TTC7B: variants seen among roughly 807,000 people sequenced by gnomAD.
TTC7B encodes tetratricopeptide repeat domain 7B, also known as tetratricopeptide repeat protein 7B.
Under a neutral mutation model 106.8 loss-of-function variants are expected in TTC7B, and 28 were observed. That is an observed-to-expected ratio of 0.26 (90% CI 0.19 to 0.36). The LOEUF is 0.36. TTC7B is among the 10% of genes least tolerant of loss of function. The pLI is 1.00. For synonymous variants in TTC7B, 405 were observed against 430.6 expected, an observed-to-expected ratio of 0.94 and a Z score of 0.74; for missense variants, 862 against 1,076.4, an observed-to-expected ratio of 0.80 and a Z score of 2.79.
At position 90,814,748 on chromosome 14, in the gene TTC7B, C is replaced by T. The variant is rs150836401; in HGVS notation, c.121+1427G>A. Among the ~76,000 whole-genome samples, 112 of 152,238 alleles carry T rather than the reference C, an allele frequency of 7.4e-4. No individual in the cohort carries two copies. In the East Asian group the frequency reaches 0.013, roughly 18 times the overall value. On this transcript the variant is annotated intron_variant, in intron 1 of 19. Coordinates refer to ENST00000328459, the MANE Select transcript of TTC7B (RefSeq NM_001010854.2). ...AGCGGAGAAGCAGGTGAGCCCGACA[C>T]GGAGGGCAAAGGCAAGCTGCCTCTG...
At chr14:90,798,911 C>A (rs2030065561) in intron 1 of TTC7B, among the ~76,000 whole-genome samples, 1 of 152,052 alleles carries the variant, frequency 6.6e-6, no homozygotes, top group Admixed American at 6.6e-5. Flanking sequence ...CATGTACATT[C>A]ATTACCTACA....
At chr14:90,782,410 C>G (rs981401681) in intron 2 of TTC7B, among the ~76,000 whole-genome samples, 2 of 152,114 alleles carry the variant, frequency 1.3e-5, no homozygotes, top group African/African-American at 4.8e-5. Flanking sequence ...ACCAGCCTGG[C>G]CAACATGGTG....
chr14:90,795,223 C>A (rs76271407), intron 1 of TTC7B, among the ~76,000 whole-genome samples: 20,510 of 151,112 alleles, frequency 0.14, 1,651 homozygotes, highest in Non-Finnish European at 0.18. Flanking sequence ...ACCACAAAAA[C>A]AAGACAAAAA....
At chr14:90,733,242 G>T (rs1371098136) in intron 4 of TTC7B, among the ~76,000 whole-genome samples, 1 of 151,946 alleles carries the variant, frequency 6.6e-6, no homozygotes, top group East Asian at 1.9e-4. Flanking sequence ...ACACACCATT[G>T]TCCTCTCTTT....
At chr14:90,786,096 C>A in intron 2 of TTC7B, 78 bp downstream of exon 2, 2 of 1,440,980 alleles carry the variant, frequency 1.4e-6, no homozygotes, top group Non-Finnish European at 1.8e-6. Context: ...CAAACGTCAC[C>A]CGGCTCAACC....
intron 18 of TTC7B, among the ~76,000 whole-genome samples, chr14:90,593,190 C>T (rs886819738): frequency 1.3e-5 from 2 of 152,236 alleles, no homozygotes; most frequent in African/African-American, 4.8e-5. Context: ...AGACCCTGCA[C>T]CCCACATGGC....
intron 9 of TTC7B, among the ~76,000 whole-genome samples, chr14:90,673,085 T>C (rs1215407863): frequency 6.6e-6 from 1 of 152,160 alleles, no homozygotes; most frequent in Non-Finnish European, 1.5e-5. Flanking sequence ...ACACACTATG[T>C]TGATGACCTG....
At chr14:90,746,719 TTCTCCG>T (rs1286978646) in intron 3 of TTC7B, among the ~76,000 whole-genome samples, 1 of 152,252 alleles carries the variant, frequency 6.6e-6, no homozygotes, top group Non-Finnish European at 1.5e-5. Flanking sequence ...TGTCAGCAAT[TTCTCCG>T]TAAGGTCTGC....
intron 1 of TTC7B, among the ~76,000 whole-genome samples, chr14:90,798,539 C>T (rs112222486): frequency 2.0e-5 from 3 of 152,058 alleles, no homozygotes; most frequent in East Asian, 1.9e-4. Context: ...GGCAAAACCC[C>T]GTTTCTACTA....
chr14:90,598,725 AATCCTTT>A, intron 17 of TTC7B, among the ~76,000 whole-genome samples: 1 of 152,350 alleles, frequency 6.6e-6, no homozygotes, highest in Non-Finnish European at 1.5e-5. Context: ...CTTTTCCAAA[AATCCTTT>A]TTCCAATGCA....
chr14:90,618,998 G>C (rs1893200747), intron 15 of TTC7B, among the ~76,000 whole-genome samples: 3 of 152,152 alleles, frequency 2.0e-5, no homozygotes, highest in Admixed American at 2.0e-4. Flanking sequence ...CTACCTCCTA[G>C]GTTCAAGTGA....
intron 5 of TTC7B, among the ~76,000 whole-genome samples, chr14:90,716,768 C>T (rs1341634628): frequency 1.3e-5 from 2 of 152,278 alleles, no homozygotes; most frequent in African/African-American, 4.8e-5. Context: ...GGTATTTTAA[C>T]TGCTTATTTC....
chr14:90,529,699 G>C lies in TTC7B; in HGVS notation c.*11669C>G, dbSNP rs1348995404. The C allele has an allele frequency of 1.3e-5, 2 of 152,170 alleles. No homozygotes were observed. The highest frequency in any genetic ancestry group is 6.5e-5 in the Admixed American group (1 of 15,280). 9.4% of individuals were successfully genotyped at this position (152,170 alleles called of 1,614,324 possible). On this transcript the variant is annotated 3_prime_UTR_variant, in exon 20 of 20. Coordinates refer to ENST00000328459, the MANE Select transcript of TTC7B (RefSeq NM_001010854.2). ...TATGCATATCATAGCACTGTCATGAGGATTAGATGAGTTAATACATGTCGA... is the reference window on the plus strand; with the variant it reads ...TATGCATATCATAGCACTGTCATGACGATTAGATGAGTTAATACATGTCGA...
Position 90,657,322 on chromosome 14 carries a change from C to T in TTC7B, c.1237-44G>A, listed in dbSNP as rs372029281. On this transcript the variant is annotated intron_variant, in intron 10 of 19. Transcript: ENST00000328459. The surrounding 1 kb of genome is among the most constrained non-coding windows in gnomAD (Gnocchi z 4.2). ...TTTCCGTGAAACTCAAAGTGTTTGA[C>T]AGAACCGAATACTACAGCCTTCTCA... 5.7e-6 allele frequency: 9 copies of T among 1,592,768 alleles called. No individual in the cohort carries two copies. The African/African-American group carries it at 1.2e-4, about 21-fold the overall frequency.
chr14:90,674,814 T>C (rs1223384590), intron 9 of TTC7B, among the ~76,000 whole-genome samples: 1 of 152,144 alleles, frequency 6.6e-6, no homozygotes, highest in Non-Finnish European at 1.5e-5. Context: ...TATTCCAGCT[T>C]CCCCGAGGCA....
chr14:90,586,798 C>T (rs1891733111), intron 18 of TTC7B, among the ~76,000 whole-genome samples: 1 of 152,220 alleles, frequency 6.6e-6, no homozygotes, highest in Admixed American at 6.5e-5. Context: ...CCGACACTTC[C>T]AAGCTCAAGT....
At chr14:90,607,662 A>G (rs758795949) in intron 17 of TTC7B, among the ~76,000 whole-genome samples, 7 of 152,220 alleles carry the variant, frequency 4.6e-5, no homozygotes, top group Non-Finnish European at 7.3e-5. Context: ...GGGAGGAAAA[A>G]TGACTGCGGT....
chr14:90,694,807 A>G (rs1887632890), intron 6 of TTC7B, among the ~76,000 whole-genome samples: 1 of 141,172 alleles, frequency 7.1e-6, no homozygotes, highest in Non-Finnish European at 1.5e-5. Flanking sequence ...TTATTATAAA[A>G]CATGTATATT....
chr14:90,759,420 C>T lies in TTC7B; in HGVS notation c.446-14498G>A, dbSNP rs757488820. On this transcript the variant is annotated intron_variant, in intron 3 of 19. Coordinates refer to ENST00000328459, the MANE Select transcript of TTC7B (RefSeq NM_001010854.2). The surrounding 1 kb of genome is among the most constrained non-coding windows in gnomAD (Gnocchi z 4.1). Reference sequence around the variant, plus strand: ...CGAGTCTGGCCTAGGTGATGTCTTACAACCTTACTAGCTTTGTAGCAGTCT... The same window carrying T: ...CGAGTCTGGCCTAGGTGATGTCTTATAACCTTACTAGCTTTGTAGCAGTCT... Among the ~76,000 whole-genome samples, 1 of 152,198 alleles carries T rather than the reference C, an allele frequency of 6.6e-6. No homozygotes were observed. Among genetic ancestry groups the T allele is most frequent in the Non-Finnish European group, 1.5e-5 (1 of 68,042 alleles).
Sources: allele counts gnomAD v4.1 joint callset (sites outside exome capture counted in the v4.1 genomes callset), GRCh38; gene constraint gnomAD v4.1.1; non-coding constraint Gnocchi (gnomAD v3.1); transcripts MANE v1.5; gene names NCBI Gene and HGNC (gene_info 2026-07-23, HGNC 2026-07-21).